DNAAF1: variants seen among roughly 807,000 people sequenced by gnomAD.
DNAAF1 encodes dynein assembly factor 1, axonemal.
A neutral mutation model predicts 71.1 loss-of-function variants in DNAAF1; 65 were observed. The ratio of observed to expected loss-of-function variants is 0.91; its 90% CI spans 0.75 to 1.12. The LOEUF is 1.12. Among genes scored for constraint, DNAAF1 ranks in the 50% most tolerant of loss-of-function variants. DNAAF1 has a pLI of 0.00. For missense variants in DNAAF1, 1,178 were observed against 899.8 expected (o/e 1.31, Z -3.96); for synonymous variants, 414 against 354.6 (o/e 1.17, Z -1.88).
intron 8 of DNAAF1, among the ~76,000 whole-genome samples, chr16:84,171,543 C>G (rs888436740): frequency 2.0e-5 from 3 of 152,210 alleles, no homozygotes; most frequent in African/African-American, 7.2e-5. Flanking sequence ...GGCGATCTCA[C>G]AGTTATGAAA....
At chr16:84,169,567 G>A (rs751068070) in intron 7 of DNAAF1, among the ~76,000 whole-genome samples, 3 of 151,894 alleles carry the variant, frequency 2.0e-5, no homozygotes, top group African/African-American at 7.3e-5. Context: ...CTACAGGCAC[G>A]TGCCACCACA....
intron 3 of DNAAF1, among the ~76,000 whole-genome samples, chr16:84,153,702 A>C (rs1435522134): frequency 6.6e-6 from 1 of 152,230 alleles, no homozygotes; most frequent in African/African-American, 2.4e-5. Context: ...CATGAATTAC[A>C]CATTGATGAC....
Position 84,170,031 on chromosome 16 carries a change from G to T in DNAAF1, c.1203G>T (p.Val401=), listed in dbSNP as rs749121452. The T allele has an allele frequency of 1.9e-6, 3 of 1,613,900 alleles. No homozygotes were observed. Among genetic ancestry groups the T allele is most frequent in the Non-Finnish European group, 1.7e-6 (2 of 1,180,036 alleles). The part of the protein sequence containing the change: ...PEKPSGEEPP[V]EAKREDGGPE... ...AGCCAAGTGGAGAGGAGCCGCCTGT[G>T]GAGGCTAAAAGAGAGGATGGAGGTC... The change falls in exon 8 of 12, where the codon GTG becomes GTT. Residue 401 remains valine, a synonymous_variant. Coordinates refer to ENST00000378553, the MANE Select transcript of DNAAF1 (RefSeq NM_178452.6).
chr16:84,159,663 G>A lies in DNAAF1; in HGVS notation c.742-12G>A. The A allele has an allele frequency of 1.2e-6, 2 of 1,606,762 alleles. No individual in the cohort carries two copies. Among genetic ancestry groups the A allele is most frequent in the South Asian group, 2.2e-5 (2 of 90,120 alleles). On this transcript the variant is annotated splice_polypyrimidine_tract_variant and intron_variant, in intron 5 of 11. Coordinates refer to ENST00000378553, the MANE Select transcript of DNAAF1 (RefSeq NM_178452.6). ...TTCAGTAATCATTTTGGTTCTGCTT[G>A]TCTTCTTGCAGCGTGTACTGAATTT...
At chr16:84,161,558 G>A (rs961445009) in intron 6 of DNAAF1, among the ~76,000 whole-genome samples, 5 of 152,126 alleles carry the variant, frequency 3.3e-5, no homozygotes, top group African/African-American at 1.2e-4. Context: ...AGAGATGGGG[G>A]TCTCACTATG....
chr16:84,174,490 G>A (rs1018531059), intron 9 of DNAAF1, 179 bp from the exon 10 acceptor site: 20 of 1,491,012 alleles, frequency 1.3e-5, no homozygotes, highest in East Asian at 7.5e-5. Context: ...AGGTGGCAAC[G>A]CTTGCTTTGT....
chr16:84,159,182 G>C (rs2087583694), intron 5 of DNAAF1: 18 of 1,001,228 alleles, frequency 1.8e-5, no homozygotes, highest in Non-Finnish European at 2.0e-5. Flanking sequence ...CGAGGAAGAA[G>C]GGCCGTCCAT....
chr16:84,172,857 A>T (rs2088440190), intron 9 of DNAAF1: 1 of 1,033,308 alleles, frequency 9.7e-7, no homozygotes, highest in Non-Finnish European at 1.2e-6. Flanking sequence ...TGGAGGTGTG[A>T]CGGTTCAGTG....
rs770436711 is a variant in DNAAF1 at position 84,173,099 on chromosome 16, T to A, written c.1644+724T>A. The A allele has an allele frequency of 3.0e-6, 3 of 986,148 alleles. No individual in the cohort carries two copies. In the African/African-American group the frequency reaches 5.2e-5, roughly 17 times the overall value. The allele number at this position is 986,148 out of a possible 1,614,324, so 61.1% of individuals were successfully genotyped here. A position where few individuals can be genotyped will look rare whatever the true frequency, so the allele number is the denominator to read the frequency against. On this transcript the variant is annotated intron_variant, in intron 9 of 11. Coordinates refer to ENST00000378553, the MANE Select transcript of DNAAF1 (RefSeq NM_178452.6). ...TTGGAGAGGTGGTCCCCTGCCCACT[T>A]CCTTGTTAAACTTCTTCTAAACTGG...
chr16:84,168,990 G>C (rs539389205), intron 7 of DNAAF1, among the ~76,000 whole-genome samples: 12 of 151,600 alleles, frequency 7.9e-5, no homozygotes, highest in Non-Finnish European at 1.5e-4. Flanking sequence ...TTCCATTAAA[G>C]GGCTGTGCTT....
chr16:84,154,518 C>T (rs2087321141), intron 3 of DNAAF1, 59 bp from the exon 4 acceptor site: 5 of 1,498,692 alleles, frequency 3.3e-6, no homozygotes, highest in Non-Finnish European at 4.6e-6. Flanking sequence ...ACAAGGGTGA[C>T]CGTGACCCCT....
At chr16:84,172,603 A>C (rs1021136897) in intron 9 of DNAAF1, 19 of 1,361,744 alleles carry the variant, frequency 1.4e-5, no homozygotes, top group Non-Finnish European at 1.7e-5. Flanking sequence ...GTGCACATGC[A>C]TGCTCAAGTT....
In DNAAF1 at chr16:84,155,694, A is replaced by G; in HGVS notation, c.686A>G (p.His229Arg). 1 of 1,614,194 alleles carries G rather than the reference A, an allele frequency of 6.2e-7. No homozygotes were observed. ...CLRLCVLDLS[H>R]NKLSDPEILS... is the part of the protein sequence containing the mutation. ...AGGCTTTGTGTCCTTGACCTTTCGC[A>G]CAACAAGCTGAGTGACCCGGAGATC... Residue 229 changes from histidine to arginine, a missense_variant, in exon 5 of 12, where the codon CAC becomes CGC. By Grantham distance (29) the His-to-Arg change is conservative. Coordinates refer to ENST00000378553, the MANE Select transcript of DNAAF1 (RefSeq NM_178452.6).
chr16:84,148,617 T>G (rs71404150), intron 1 of DNAAF1, among the ~76,000 whole-genome samples: 46 of 142,648 alleles, frequency 3.2e-4, no homozygotes, highest in Middle Eastern at 7.1e-3. Flanking sequence ...TTTTTTTTGG[T>G]GAGACGGGGT....
chr16:84,174,386 G>T, intron 9 of DNAAF1: 1 of 1,329,994 alleles, frequency 7.5e-7, no homozygotes. Flanking sequence ...AACTGGCTGT[G>T]TCTCTTAATA....
intron 3 of DNAAF1, among the ~76,000 whole-genome samples, chr16:84,150,955 C>A (rs1229908383): frequency 6.6e-6 from 1 of 152,030 alleles, no homozygotes; most frequent in East Asian, 1.9e-4. Context: ...TTTGTAAGTA[C>A]TTTGGGGTTG....
chr16:84,170,332 C>T lies in DNAAF1; in HGVS notation c.1504C>T (p.Pro502Ser), dbSNP rs763218542. 10 of 1,611,728 alleles carry T rather than the reference C, an allele frequency of 6.2e-6. No individual in the cohort carries two copies. The highest frequency in any genetic ancestry group is 7.6e-6 in the Non-Finnish European group (9 of 1,179,136). The part of the protein sequence containing the change: ...GTLPAEAPPP[P>S]PLGAAREEPT... Reference sequence around the variant, plus strand: ...CCTCCCAGCTGAGGCCCCACCACCACCGCCCCTGGGAGCTGCCAGGGAAGG... The same window carrying T: ...CCTCCCAGCTGAGGCCCCACCACCATCGCCCCTGGGAGCTGCCAGGGAAGG... The change falls in exon 8 of 12, where the codon CCG becomes TCG. Residue 502 changes from proline to serine, a missense_variant. Transcript: ENST00000378553.
chr16:84,160,549 T>G (rs538055051), intron 6 of DNAAF1, among the ~76,000 whole-genome samples: 1 of 152,340 alleles, frequency 6.6e-6, no homozygotes, highest in South Asian at 2.1e-4. Flanking sequence ...TATACAACAT[T>G]TAAAATAAAT....
intron 5 of DNAAF1, among the ~76,000 whole-genome samples, chr16:84,156,025 A>G (rs1353317016): frequency 6.6e-6 from 1 of 151,928 alleles, no homozygotes; most frequent in Non-Finnish European, 1.5e-5. Flanking sequence ...GTGCTGTGGC[A>G]TGAACTCCGC....
Sources: gnomAD v4.1 joint callset for allele counts (sites outside exome capture counted in the v4.1 genomes callset) on GRCh38, gnomAD v4.1.1 for gene constraint, MANE v1.5 for transcripts, NCBI Gene and HGNC (gene_info 2026-07-23, HGNC 2026-07-21) for gene names.